ANO1: variants seen among roughly 807,000 people sequenced by gnomAD.
The protein encoded by ANO1 is anoctamin-1.
In ANO1, 59 loss-of-function variants were observed where a neutral mutation model predicts 124.0. The ratio of observed to expected loss-of-function variants is 0.48; its 90% confidence interval spans 0.39 to 0.59. The LOEUF (loss-of-function observed/expected upper bound fraction) is 0.59. ANO1 is among the 20% of genes least tolerant of loss of function. The pLI is 0.00. For synonymous variants in ANO1, 529 were observed against 532.0 expected (o/e 0.99, Z 0.08); for missense variants, 1,059 against 1,328.0 (o/e 0.80, Z 3.15).
At chr11:70,085,587 G>A (rs1565182841) in intron 1 of ANO1, 1 of 1,535,892 alleles carries the variant, frequency 6.5e-7, no homozygotes, top group Non-Finnish European at 8.7e-7. Context: ...GGCCAGAGAG[G>A]CCAAGGTGCC....
chr11:70,018,803 G>A (rs1010240416), intron 1 of ANO1, among the ~76,000 whole-genome samples: 2 of 152,248 alleles, frequency 1.3e-5, no homozygotes, highest in African/African-American at 4.8e-5. Context: ...GTGCCAGCAA[G>A]AGACCACACA....
chr11:70,048,972 C>A (rs782474049), intron 1 of ANO1, among the ~76,000 whole-genome samples: 4 of 152,080 alleles, frequency 2.6e-5, no homozygotes, highest in Non-Finnish European at 5.9e-5. Context: ...GTCCTGTGAA[C>A]AACTGGGCAT....
intron 1 of ANO1, among the ~76,000 whole-genome samples, chr11:70,052,242 G>T (rs577556246): frequency 3.0e-4 from 46 of 152,338 alleles, no homozygotes; most frequent in South Asian, 8.3e-4. Flanking sequence ...TGGAATATAT[G>T]CAGGTCAGTT....
At chr11:69,971,680 A>G in the ANO1 span, among the ~76,000 whole-genome samples, 1 of 151,758 alleles carries the variant, frequency 6.6e-6, no homozygotes, top group Non-Finnish European at 1.5e-5. Flanking sequence ...CTGTCGGAGG[A>G]GGCCAAGTGA....
chr11:70,084,105 G>T (rs1258566152), intron 1 of ANO1, among the ~76,000 whole-genome samples: 1 of 152,148 alleles, frequency 6.6e-6, no homozygotes, highest in Non-Finnish European at 1.5e-5. Context: ...AGGCAGTATG[G>T]GGAGGAGATG....
chr11:70,145,943 CAAAAAAAAA>C (rs10589426), intron 11 of ANO1, among the ~76,000 whole-genome samples: 4 of 108,670 alleles, frequency 3.7e-5, no homozygotes, highest in African/African-American at 1.0e-4. Context: ...TCTCAAAAAA[CAAAAAAAAA>C]AAAAAAAAAA....
intron 11 of ANO1, among the ~76,000 whole-genome samples, chr11:70,141,389 C>T (rs573389847): frequency 6.6e-6 from 1 of 152,278 alleles, no homozygotes; most frequent in South Asian, 2.1e-4. Context: ...TCTGTGCCTG[C>T]TGACCCCGCG....
chr11:70,053,006 T>C (rs993091988), intron 1 of ANO1, among the ~76,000 whole-genome samples: 2 of 152,252 alleles, frequency 1.3e-5, no homozygotes, highest in Non-Finnish European at 2.9e-5. Flanking sequence ...TTCTTATGCA[T>C]TTAATTTTTT....
At chr11:70,149,056 C>A (rs2135620043) in intron 11 of ANO1, among the ~76,000 whole-genome samples, 1 of 152,306 alleles carries the variant, frequency 6.6e-6, no homozygotes, top group African/African-American at 2.4e-5. Flanking sequence ...TGGTTTGAAG[C>A]CCGAGTGAGT....
chr11:70,085,752 G>A lies in ANO1; in HGVS notation c.109-2000G>A, dbSNP rs2044349023. ...CAACTAAAAAGGACAGCCTCCACTCGAGGCCTTCCCTCCCCCTCTCCCCCA... is the reference window on the plus strand; with the variant it reads ...CAACTAAAAAGGACAGCCTCCACTCAAGGCCTTCCCTCCCCCTCTCCCCCA... On this transcript the variant is annotated intron_variant, in intron 1 of 25. Transcript: ENST00000355303. 6.4e-6 allele frequency: 9 copies of A among 1,406,474 alleles called. No individual in the cohort carries two copies. In the Admixed American group the frequency reaches 1.2e-4, roughly 18 times the overall value. The allele number at this position is 1,406,474 out of a possible 1,614,324, so 87.1% of individuals were successfully genotyped here.
chr11:70,149,836 T>C (rs774670005), intron 12 of ANO1, 44 bp downstream of exon 12: 2 of 1,593,988 alleles, frequency 1.3e-6, no homozygotes, highest in Non-Finnish European at 1.7e-6. Flanking sequence ...TTCCCCCACG[T>C]TCCCCCTACC....
intron 1 of ANO1, among the ~76,000 whole-genome samples, chr11:70,030,443 A>T (rs1555003694): frequency 6.6e-6 from 1 of 152,178 alleles, no homozygotes; most frequent in African/African-American, 2.4e-5. Context: ...AAAACAATAG[A>T]AATTCATTCT....
chr11:69,982,434 G>T (rs1307767058), upstream of ANO1, among the ~76,000 whole-genome samples: 1 of 152,220 alleles, frequency 6.6e-6, no homozygotes, highest in Admixed American at 6.5e-5. Flanking sequence ...GCCACCAAGA[G>T]CTCCAATCGG....
chr11:70,149,203 G>C (rs1215111667), intron 11 of ANO1, among the ~76,000 whole-genome samples: 1 of 152,154 alleles, frequency 6.6e-6, no homozygotes, highest in East Asian at 1.9e-4. Context: ...AACCTCGGTC[G>C]GGACTTGAGT....
the ANO1 span, among the ~76,000 whole-genome samples, chr11:69,968,650 G>A: frequency 3.9e-5 from 6 of 152,302 alleles, no homozygotes; most frequent in South Asian, 4.1e-4. Flanking sequence ...GCAGGGATGC[G>A]GTGGCATCGC....
intron 2 of ANO1, among the ~76,000 whole-genome samples, chr11:70,099,620 C>T (rs1262891417): frequency 6.6e-6 from 1 of 152,158 alleles, no homozygotes; most frequent in Non-Finnish European, 1.5e-5. Flanking sequence ...TGGAAGACCT[C>T]CACCTCTCCA....
At chr11:70,100,205 C>A (rs1415389674) in intron 2 of ANO1, among the ~76,000 whole-genome samples, 1 of 152,190 alleles carries the variant, frequency 6.6e-6, no homozygotes, top group Admixed American at 6.5e-5. Flanking sequence ...CAAAGCCCTG[C>A]AGGACCGCAA....
At chr11:70,105,060 G>A (rs190884591) in intron 4 of ANO1, among the ~76,000 whole-genome samples, 12 of 152,100 alleles carry the variant, frequency 7.9e-5, no homozygotes, top group East Asian at 1.9e-4. Flanking sequence ...AGAGGAAACC[G>A]CCCTCCTTCC....
chr11:69,972,049 C>T, the ANO1 span, among the ~76,000 whole-genome samples: 171 of 143,202 alleles, frequency 1.2e-3, 1 homozygote, highest in East Asian at 4.0e-3. Context: ...GGCGAAACCC[C>T]GGCTCTACTA....
Sources: allele counts gnomAD v4.1 joint callset (sites outside exome capture counted in the v4.1 genomes callset), GRCh38; gene constraint gnomAD v4.1.1; transcripts MANE v1.5; gene names NCBI Gene and HGNC (gene_info 2026-07-23, HGNC 2026-07-21).